TFAP2B: variants seen among roughly 807,000 people sequenced by gnomAD.
TFAP2B encodes transcription factor AP-2-beta.
TFAP2B carries 9 observed loss-of-function variants against 44.3 expected under a neutral mutation model. The ratio of observed to expected loss-of-function variants is 0.20; its 90% CI spans 0.12 to 0.35. The LOEUF (loss-of-function observed/expected upper bound fraction) is 0.35, where lower values mean the gene tolerates loss of function less well. Ranked by LOEUF, TFAP2B falls within the 10% of genes least tolerant of loss-of-function variation. TFAP2B has a pLI of 1.00. For missense variants in TFAP2B, 509 were observed against 600.0 expected (o/e 0.85, Z 1.59); for synonymous variants, 270 against 263.8 (o/e 1.02, Z -0.23).
chr6:50,835,247 A>C (rs1355242270), intron 3 of TFAP2B, among the ~76,000 whole-genome samples: 1 of 152,250 alleles, frequency 6.6e-6, no homozygotes, highest in Non-Finnish European at 1.5e-5. Context: ...TATGAATTAG[A>C]GTGATTGGTT....
chr6:50,841,790 C>T (rs867833552), intron 6 of TFAP2B, among the ~76,000 whole-genome samples: 6 of 152,156 alleles, frequency 3.9e-5, no homozygotes, highest in Non-Finnish European at 7.3e-5. Flanking sequence ...TGGTCAGAAC[C>T]CTTATCTATT....
intron 2 of TFAP2B, among the ~76,000 whole-genome samples, chr6:50,825,191 TA>T (rs1440127177): frequency 6.6e-6 from 1 of 152,196 alleles, no homozygotes; most frequent in Non-Finnish European, 1.5e-5. Context: ...TTACTGATAG[TA>T]ATAAGAGTGA....
intron 1 of TFAP2B, chr6:50,822,007 TTTG>T: frequency 2.4e-6 from 1 of 422,312 alleles, no homozygotes; most frequent in Non-Finnish European, 4.0e-6. Context: ...TTTTTTTTTT[TTTG>T]ATGGCTTGTC....
chr6:50,839,097 C>G (rs1427727488), intron 5 of TFAP2B, among the ~76,000 whole-genome samples: 1 of 152,182 alleles, frequency 6.6e-6, no homozygotes, highest in Non-Finnish European at 1.5e-5. Flanking sequence ...CCAGACCACA[C>G]TTACTAGTGG....
At chr6:50,819,810 GAGGCGGACT>G (rs1322308023) in intron 1 of TFAP2B, among the ~76,000 whole-genome samples, 6 of 152,162 alleles carry the variant, frequency 3.9e-5, no homozygotes, top group Non-Finnish European at 2.9e-5. Context: ...ACTCGCGGGC[GAGGCGGACT>G]AGGCGGACGA....
chr6:50,821,195 A>G (rs956951653), intron 1 of TFAP2B, among the ~76,000 whole-genome samples: 1 of 152,222 alleles, frequency 6.6e-6, no homozygotes, highest in Non-Finnish European at 1.5e-5. Context: ...TTGATGGCGT[A>G]TGTTTTAAAT....
At chr6:50,840,861 T>C (rs1941493048) in intron 6 of TFAP2B, among the ~76,000 whole-genome samples, 1 of 152,250 alleles carries the variant, frequency 6.6e-6, no homozygotes, top group African/African-American at 2.4e-5. Flanking sequence ...TTTCTATTTA[T>C]TTGATTTACT....
chr6:50,840,272 C>A lies in TFAP2B; in HGVS notation c.1057C>A (p.Arg353=). 6.2e-7 allele frequency: 1 copy of A among 1,613,990 alleles called. No individual in the cohort carries two copies. The highest frequency in any genetic ancestry group is 1.6e-4 in the Middle Eastern group (1 of 6,062). ...CACAGACCCGAGTGACCTGCACTCC[C>A]GAAAGAATATGCTGTTGGCCACCAA... ...QHTDPSDLHS[R]KNMLLATKQL... is the part of the protein sequence containing the mutation. The change falls in exon 6 of 7, where the codon CGA becomes AGA. Residue 353 remains arginine, a synonymous_variant. Transcript: ENST00000393655.
intron 2 of TFAP2B, among the ~76,000 whole-genome samples, chr6:50,827,445 A>G (rs1031045112): frequency 4.6e-5 from 7 of 152,216 alleles, no homozygotes. Context: ...AAACAAATTA[A>G]CATGCCCCCT....
chr6:50,843,189 T>C lies in TFAP2B; in HGVS notation c.1180T>C (p.Cys394Arg). The C allele has an allele frequency of 1.2e-6, 2 of 1,614,222 alleles. No homozygotes were observed. Among genetic ancestry groups the C allele is most frequent in the Non-Finnish European group, 1.7e-6 (2 of 1,180,040 alleles). ...CATCCTGGAGCCGGGGATCCAGAGC[T>C]GCCTCACGCACTTCAGCCTCATCAC... ...SPILEPGIQS[C>R]LTHFSLITHG... Residue 394 changes from cysteine to arginine, a missense_variant, in exon 7 of 7, where the codon TGC becomes CGC. Coordinates refer to ENST00000393655, the MANE Select transcript of TFAP2B (RefSeq NM_003221.4).
intron 5 of TFAP2B, among the ~76,000 whole-genome samples, chr6:50,839,901 G>A (rs1018039021): frequency 2.0e-5 from 3 of 152,184 alleles, no homozygotes; most frequent in South Asian, 4.1e-4. Context: ...AGGAGACCCC[G>A]TAGCTATTCA....
chr6:50,834,687 G>A (rs896265201), intron 3 of TFAP2B, among the ~76,000 whole-genome samples: 3 of 152,162 alleles, frequency 2.0e-5, no homozygotes, highest in African/African-American at 7.2e-5. Flanking sequence ...GATATATAGG[G>A]TTCTAGGCTC....
At chr6:50,826,219 A>G (rs1238721374) in intron 2 of TFAP2B, among the ~76,000 whole-genome samples, 1 of 152,058 alleles carries the variant, frequency 6.6e-6, no homozygotes, top group African/African-American at 2.4e-5. Flanking sequence ...CTTTAAAAGG[A>G]CCAGAGAGTG....
intron 5 of TFAP2B, among the ~76,000 whole-genome samples, chr6:50,839,481 T>A (rs1206449142): frequency 1.3e-5 from 2 of 152,206 alleles, no homozygotes; most frequent in East Asian, 1.9e-4. Flanking sequence ...GGCTTTCACA[T>A]AAGCTGAGTA....
intron 4 of TFAP2B, among the ~76,000 whole-genome samples, chr6:50,836,571 TGC>T (rs1429518591): frequency 2.0e-5 from 3 of 152,200 alleles, no homozygotes; most frequent in Non-Finnish European, 4.4e-5. Flanking sequence ...TTCCTGGCCC[TGC>T]GCCTGGCGCC....
In TFAP2B at chr6:50,843,257, C is replaced by T. The variant is rs1762769797; in HGVS notation, c.1248C>T (p.Ala416=). The change falls in exon 7 of 7, where the codon GCC becomes GCT. Residue 416 remains alanine (A), a synonymous_variant. Coordinates refer to ENST00000393655, the MANE Select transcript of TFAP2B (RefSeq NM_003221.4). ...CGGCCATTTGCGCCGCGCTCACGGC[C>T]CTGCAGAACTATCTCACCGAGGCGC... is the stretch of plus-strand genomic sequence containing the variant. ...GAPAICAALT[A]LQNYLTEALK... 3 of 1,614,050 alleles carry T rather than the reference C, an allele frequency of 1.9e-6. No individual in the cohort carries two copies. Among genetic ancestry groups the T allele is most frequent in the African/African-American group, 2.7e-5 (2 of 74,932 alleles).
At chr6:50,828,550 T>TGTTGC (rs1770588367) in intron 2 of TFAP2B, 69 bp from the exon 3 acceptor site, 10 of 1,391,476 alleles carry the variant, frequency 7.2e-6, no homozygotes, top group African/African-American at 1.4e-5. Context: ...CAGTTTGGAA[T>TGTTGC]AACATGATTT....
In TFAP2B at chr6:50,823,654, A is replaced by G. The variant is rs1770420542; in HGVS notation, c.329A>G (p.Gln110Arg). 6.2e-7 allele frequency: 1 copy of G among 1,613,914 alleles called. No homozygotes were observed. Among genetic ancestry groups the G allele is most frequent in the Non-Finnish European group, 8.5e-7 (1 of 1,179,984 alleles). Residue 110 changes from glutamine (Q) to arginine (R), a missense_variant, in exon 2 of 7, where the codon CAG (glutamine) becomes CGG (arginine). Gln to Arg is a conservative substitution (Grantham distance 43). Coordinates refer to ENST00000393655, the MANE Select transcript of TFAP2B (RefSeq NM_003221.4). ...QPQQHPWGQR[Q>R]RQEVGSEAGS... ...CAGCAACATCCCTGGGGGCAACGGC[A>G]GCGGCAAGAAGTGGGTTCGGAAGCC...
In TFAP2B at chr6:50,836,187, C is replaced by G; in HGVS notation, c.728C>G (p.Thr243Ser). 1.9e-6 allele frequency: 3 copies of G among 1,614,000 alleles called. No homozygotes were observed. Among genetic ancestry groups the G allele is most frequent in the Non-Finnish European group, 2.5e-6 (3 of 1,180,030 alleles). The change falls in exon 4 of 7, where the codon ACT (threonine) becomes AGT (serine). Residue 243 changes from threonine to serine, a missense_variant. Around this residue, in one of 3 missense-constraint regions of TFAP2B, gnomAD observed 45 missense variants for 108.6 expected, o/e 0.41. Coordinates refer to ENST00000393655, the MANE Select transcript of TFAP2B (RefSeq NM_003221.4). ...GGCCGTTTGTCTCTGCTCAGTTCAACTTCGAAGTACAAAGTAACTGTGGGA... is the reference window on the plus strand; with the variant it reads ...GGCCGTTTGTCTCTGCTCAGTTCAAGTTCGAAGTACAAAGTAACTGTGGGA... ...VPGRLSLLSS[T>S]SKYKVTVGEV...
Sources: gnomAD v4.1 joint callset for allele counts (sites outside exome capture counted in the v4.1 genomes callset) on GRCh38, gnomAD v4.1.1 for gene constraint, gnomAD v4.1.1 regional missense constraint, MANE v1.5 for transcripts, NCBI Gene and HGNC (gene_info 2026-07-23, HGNC 2026-07-21) for gene names.